Variants in HABP4 observed in about 807,000 individuals in gnomAD.
The protein encoded by HABP4 is hyaluronan binding protein 4.
A neutral mutation model predicts 44.1 loss-of-function variants in HABP4; 32 were observed. The ratio of observed to expected loss-of-function variants is 0.73; its 90% CI spans 0.55 to 0.97. The LOEUF is 0.97. Among genes scored for constraint, HABP4 ranks in the 50% least tolerant of loss-of-function variants. HABP4 has a pLI of 0.00. For missense variants in HABP4, 503 were observed against 561.9 expected, an observed-to-expected ratio of 0.90 and a Z score of 1.06; for synonymous variants, 216 against 218.0, an observed-to-expected ratio of 0.99 and a Z score of 0.08.
Position 96,488,339 on chromosome 9 carries a change from G to A in HABP4, c.1185+65G>A. On this transcript the variant is annotated intron_variant, in intron 7 of 7. Coordinates refer to ENST00000375249, the MANE Select transcript of HABP4 (RefSeq NM_014282.4). This position sits in a 1 kb window ranked among gnomAD's most constrained non-coding sequence, Gnocchi z 4.6. Reference sequence around the variant, plus strand: ...AAGGACAGTGCCCTGGGCCCAGGATGGTCTAATTTCAGAGGGTCATGAGTT... The same window carrying A: ...AAGGACAGTGCCCTGGGCCCAGGATAGTCTAATTTCAGAGGGTCATGAGTT... 8.9e-7 allele frequency: 1 copy of A among 1,120,550 alleles called. No individual in the cohort carries two copies. The highest frequency in any genetic ancestry group is 1.3e-6 in the Non-Finnish European group (1 of 785,694). The allele number at this position is 1,120,550 out of a possible 1,614,324, so 69.4% of individuals were successfully genotyped here. A position where few individuals can be genotyped will look rare whatever the true frequency, so the allele number is the denominator to read the frequency against.
At chr9:96,475,390 C>CAAAAAAAAAAAAA (rs61553823) in intron 5 of HABP4, among the ~76,000 whole-genome samples, 18 of 94,120 alleles carry the variant, frequency 1.9e-4, no homozygotes, top group African/African-American at 5.5e-4. Context: ...ACAACAACAA[C>CAAAAAAAAAAAAA]AAAAAAAAAA....
At chr9:96,471,242 A>G (rs1394481410) in intron 5 of HABP4, 148 bp downstream of exon 5, 2 of 605,952 alleles carry the variant, frequency 3.3e-6, no homozygotes, top group Non-Finnish European at 6.1e-6. Context: ...TCCTGGGTTC[A>G]AGCGATTCTC....
At chr9:96,455,083 C>T (rs1375788479) in intron 1 of HABP4, among the ~76,000 whole-genome samples, 1 of 152,082 alleles carries the variant, frequency 6.6e-6, no homozygotes, top group Non-Finnish European at 1.5e-5. Flanking sequence ...CACACCACTG[C>T]AGTCCAGCCT....
chr9:96,450,211 C>T lies in HABP4; in HGVS notation c.-69C>T, dbSNP rs976049535. 12 of 1,274,536 alleles carry T rather than the reference C, an allele frequency of 9.4e-6. No individual in the cohort carries two copies. The highest frequency in any genetic ancestry group is 4.7e-5 in the African/African-American group (3 of 63,682). 79.0% of individuals were successfully genotyped at this position (1,274,536 alleles called of 1,614,324 possible). A position where few individuals can be genotyped will look rare whatever the true frequency, so the allele number is the denominator to read the frequency against. Reference sequence around the variant, plus strand: ...GGCGGCGGAGCGGGCGGCATGGGTCCTGGCCGCCGGCTTCGCTGAGACGCG... The same window carrying T: ...GGCGGCGGAGCGGGCGGCATGGGTCTTGGCCGCCGGCTTCGCTGAGACGCG... On this transcript the variant is annotated 5_prime_UTR_variant, in exon 1 of 8. Transcript: ENST00000375249. This position sits in a 1 kb window ranked among gnomAD's most constrained non-coding sequence, Gnocchi z 4.8.
rs1406608809 is a variant in HABP4, at chr9:96,450,696, G to A, written c.349+68G>A. ...CTGTGAGACTGGGGTCCCGGGGGCC[G>A]GTTTCAGGAGGAGGGGCCCGGGAAC... is the stretch of plus-strand genomic sequence containing the variant. On this transcript the variant is annotated intron_variant, in intron 1 of 7. Transcript: ENST00000375249. The surrounding 1 kb of genome is among the most constrained non-coding windows in gnomAD (Gnocchi z 4.8). The A allele has an allele frequency of 2.5e-6, 3 of 1,181,846 alleles. No homozygotes were observed. The highest frequency in any genetic ancestry group is 3.2e-6 in the Non-Finnish European group (3 of 946,244). 73.2% of individuals were successfully genotyped at this position (1,181,846 alleles called of 1,614,324 possible).
At chr9:96,479,410 T>A (rs1029660264) in intron 5 of HABP4, among the ~76,000 whole-genome samples, 1 of 151,488 alleles carries the variant, frequency 6.6e-6, no homozygotes, top group Non-Finnish European at 1.5e-5. Flanking sequence ...TTACTTTGAT[T>A]CATTTTACTT....
chr9:96,458,675 G>A (rs1832445436), intron 2 of HABP4, 134 bp downstream of exon 2: 1 of 605,882 alleles, frequency 1.7e-6, no homozygotes, highest in Non-Finnish European at 2.8e-6. Context: ...CCAGGCTGGA[G>A]TGCAATGGTG....
chr9:96,459,582 A>G (rs1354023842), intron 2 of HABP4, among the ~76,000 whole-genome samples: 2 of 152,160 alleles, frequency 1.3e-5, no homozygotes, highest in South Asian at 4.1e-4. Flanking sequence ...ATAAAGTTAA[A>G]CAAGCTAAGG....
chr9:96,459,358 C>T (rs1395318063), intron 2 of HABP4, among the ~76,000 whole-genome samples: 1 of 152,086 alleles, frequency 6.6e-6, no homozygotes, highest in Non-Finnish European at 1.5e-5. Flanking sequence ...GGCATGGCTG[C>T]TCTCCGAAGT....
At chr9:96,467,745 C>T (rs1832627275) in intron 4 of HABP4, among the ~76,000 whole-genome samples, 1 of 152,014 alleles carries the variant, frequency 6.6e-6, no homozygotes, top group African/African-American at 2.4e-5. Context: ...AGGCTGGTCT[C>T]GAACTCCTGA....
chr9:96,461,678 G>C (rs1329270032), intron 2 of HABP4, among the ~76,000 whole-genome samples: 1 of 151,302 alleles, frequency 6.6e-6, no homozygotes, highest in Non-Finnish European at 1.5e-5. Flanking sequence ...TGAAACTCTG[G>C]GTCTGTTTTC....
At chr9:96,489,049 G>A (rs1833029068) in intron 7 of HABP4, among the ~76,000 whole-genome samples, 1 of 152,102 alleles carries the variant, frequency 6.6e-6, no homozygotes, top group African/African-American at 2.4e-5. Flanking sequence ...GAGGCCCCAT[G>A]GCACAGACCC....
chr9:96,487,886 C>T (rs1255560479), intron 6 of HABP4, among the ~76,000 whole-genome samples: 1 of 152,190 alleles, frequency 6.6e-6, no homozygotes, highest in Non-Finnish European at 1.5e-5. Flanking sequence ...ACATACAGAA[C>T]TCACTGTCTT....
Position 96,450,415 on chromosome 9 carries a change from G to T in HABP4, c.136G>T (p.Glu46Ter). The part of the protein sequence containing the change: ...SDPFDILREA[E>*]RRRQQQLQRK... Reference sequence around the variant, plus strand: ...CCCGTTCGACATCCTGCGCGAGGCCGAGCGCCGGCGCCAGCAGCAGCTGCA... The same window carrying T: ...CCCGTTCGACATCCTGCGCGAGGCCTAGCGCCGGCGCCAGCAGCAGCTGCA... The change falls in exon 1 of 8, where the codon GAG becomes TAG. Residue 46 changes from glutamate to a stop codon, truncating the protein, a stop_gained. Transcript: ENST00000375249. LOFTEE classifies it high-confidence loss of function. This position sits in a 1 kb window ranked among gnomAD's most constrained non-coding sequence, Gnocchi z 4.8. 5.2e-6 allele frequency: 2 copies of T among 381,996 alleles called. No homozygotes were observed. Among genetic ancestry groups the T allele is most frequent in the South Asian group, 5.3e-5 (2 of 38,060 alleles). The allele number at this position is 381,996 out of a possible 1,614,324, so 23.7% of individuals were successfully genotyped here.
At chr9:96,475,405 AAAG>A (rs1304745322) in intron 5 of HABP4, among the ~76,000 whole-genome samples, 6 of 149,888 alleles carry the variant, frequency 4.0e-5, no homozygotes, top group East Asian at 1.9e-4. Flanking sequence ...AAAAAAAAAA[AAAG>A]AAGAAAAAGA....
At chr9:96,454,375 A>T (rs1388104273) in intron 1 of HABP4, among the ~76,000 whole-genome samples, 5 of 151,814 alleles carry the variant, frequency 3.3e-5, no homozygotes, top group Non-Finnish European at 7.4e-5. Flanking sequence ...ATAATTTTCA[A>T]CTTGTTAGGT....
chr9:96,476,089 T>C (rs1832782267), intron 5 of HABP4, among the ~76,000 whole-genome samples: 1 of 152,196 alleles, frequency 6.6e-6, no homozygotes, highest in Non-Finnish European at 1.5e-5. Flanking sequence ...GTTTTCCATC[T>C]AGGTATTTTT....
At chr9:96,456,629 G>A (rs1309334613) in intron 1 of HABP4, among the ~76,000 whole-genome samples, 13 of 150,778 alleles carry the variant, frequency 8.6e-5, no homozygotes, top group Middle Eastern at 6.8e-3. Context: ...GCGTGGTGGC[G>A]GGCGCCTATA....
Position 96,483,766 on chromosome 9 carries a change from A to C in HABP4, c.828-696A>C, listed in dbSNP as rs560221806. 3 of 152,208 alleles carry C rather than the reference A, an allele frequency of 2.0e-5. No homozygotes were observed. The South Asian group carries it at 6.2e-4, about 32-fold the overall frequency. The allele number at this position is 152,208 out of a possible 1,614,324, so 9.4% of individuals were successfully genotyped here. A position where few individuals can be genotyped will look rare whatever the true frequency, so the allele number is the denominator to read the frequency against. ...ACCATTGCCCAGTCCAGGGTTAAGA[A>C]AGTTTCTGCCTAGGTTTTCTGCTAA... On this transcript the variant is annotated intron_variant, in intron 5 of 7. Coordinates refer to ENST00000375249, the MANE Select transcript of HABP4 (RefSeq NM_014282.4).
Sources: allele counts gnomAD v4.1 joint callset (sites outside exome capture counted in the v4.1 genomes callset), GRCh38; gene constraint gnomAD v4.1.1; non-coding constraint Gnocchi (gnomAD v3.1); transcripts MANE v1.5; gene names NCBI Gene and HGNC (gene_info 2026-07-23, HGNC 2026-07-21).